The following MLKL variants were observed in gnomAD, a reference collection of about 807,000 sequenced individuals.
MLKL encodes the protein mixed lineage kinase domain like pseudokinase, also known as mixed lineage kinase domain-like protein.
MLKL carries 55 observed loss-of-function variants against 56.5 expected under a neutral mutation model. That is an observed-to-expected ratio of 0.97 (90% confidence interval 0.78 to 1.22). MLKL has a LOEUF of 1.22. Among genes scored for constraint, MLKL ranks in the 50% most tolerant of loss-of-function variants. The pLI is 0.00. For missense variants in MLKL, 694 were observed against 573.9 expected (o/e 1.21, Z -2.14); for synonymous variants, 251 against 208.3 (o/e 1.20, Z -1.76).
At chr16:74,676,346 T>A in intron 7 of MLKL, 1 of 985,628 alleles carries the variant, frequency 1.0e-6, no homozygotes, top group Non-Finnish European at 1.2e-6. Flanking sequence ...CAGCATATGT[T>A]CTTGTCCCAT....
chr16:74,689,160 G>C (rs1160101018), intron 4 of MLKL, among the ~76,000 whole-genome samples: 1 of 150,774 alleles, frequency 6.6e-6, no homozygotes, highest in African/African-American at 2.4e-5. Context: ...TGTTACCCAG[G>C]CTGGAGTGCA....
chr16:74,695,164 G>A (rs1475047370), intron 2 of MLKL, 134 bp downstream of exon 2: 2 of 946,096 alleles, frequency 2.1e-6, no homozygotes, highest in South Asian at 1.7e-5. Context: ...GAGCCATCGC[G>A]CCCAGCTAGG....
chr16:74,694,000 G>A (rs1054774515), intron 2 of MLKL, among the ~76,000 whole-genome samples: 6 of 152,150 alleles, frequency 3.9e-5, no homozygotes, highest in African/African-American at 1.4e-4. Flanking sequence ...TGTGCTGCTA[G>A]TATGATCATA....
At chr16:74,680,531 G>C (rs1024531121) in intron 6 of MLKL, among the ~76,000 whole-genome samples, 7 of 149,616 alleles carry the variant, frequency 4.7e-5, no homozygotes, top group African/African-American at 9.9e-5. Flanking sequence ...TTATGAGACG[G>C]AGTCTCGCTC....
rs1960963724 is a variant in MLKL, at chr16:74,695,362, G to A, written c.396C>T (p.Ser132=). The A allele has an allele frequency of 1.2e-6, 2 of 1,614,072 alleles. No homozygotes were observed. Among genetic ancestry groups the A allele is most frequent in the African/African-American group, 1.3e-5 (1 of 74,928 alleles). ...CATCCTGCTGATCTTCCTGTGCCCA[G>A]GACGCTCCTTGGCTTATGGGTGAAA... ...MPVSPISQGA[S]WAQEDQQDAD... is the part of the protein sequence containing the mutation. The change falls in exon 2 of 11, where the codon TCC becomes TCT. Residue 132 remains serine, a synonymous_variant. Transcript: ENST00000308807.
intron 4 of MLKL, among the ~76,000 whole-genome samples, chr16:74,687,254 G>C (rs1287008720): frequency 6.6e-6 from 1 of 152,106 alleles, no homozygotes. Context: ...GGGATTATAG[G>C]CATAACTCAC....
At chr16:74,678,730 G>T (rs774221380) in intron 7 of MLKL, among the ~76,000 whole-genome samples, 169 bp downstream of exon 7, 4 of 152,112 alleles carry the variant, frequency 2.6e-5, no homozygotes, top group Non-Finnish European at 4.4e-5. Context: ...TTGCAGCGGG[G>T]CGATCTCGCT....
intron 1 of MLKL, among the ~76,000 whole-genome samples, chr16:74,698,251 A>G (rs962045092): frequency 3.3e-5 from 5 of 152,184 alleles, no homozygotes; most frequent in African/African-American, 1.2e-4. Flanking sequence ...ACAACAAAAA[A>G]CAAAGTTAGT....
intron 2 of MLKL, among the ~76,000 whole-genome samples, chr16:74,693,477 A>AAAAGAAAAAAGAAAG (rs1960812097): frequency 8.0e-6 from 1 of 124,606 alleles, no homozygotes; most frequent in Admixed American, 8.2e-5. Context: ...AAGAAAAGAA[A>AAAAGAAAAAAGAAAG]AAAGAAAGAA....
intron 2 of MLKL, 56 bp from the exon 3 acceptor site, chr16:74,692,472 T>A: frequency 2.1e-6 from 3 of 1,411,234 alleles, no homozygotes; most frequent in Non-Finnish European, 3.0e-6. Context: ...CACACGCCAA[T>A]CAAAACTAAA....
In MLKL at chr16:74,682,706, G is replaced by C; in HGVS notation, c.901C>G (p.Leu301Val). The stretch of plus-strand genomic sequence containing the variant: ...AGGACCATGCGCTTGCCAAGTGTGA[G>C]GTCTTTTTCCCTATCCAACAGCTCC... ...LRELLDREKDLTLGKRMVLVL... is the reference protein window; with the variant it reads ...LRELLDREKDVTLGKRMVLVL... The change falls in exon 6 of 11, where the codon CTC becomes GTC. Residue 301 changes from leucine (L) to valine (V), a missense_variant. Coordinates refer to ENST00000308807, the MANE Select transcript of MLKL (RefSeq NM_152649.4). 6.2e-7 allele frequency: 1 copy of C among 1,614,100 alleles called. No homozygotes were observed.
In MLKL at chr16:74,691,584, G is replaced by T. The variant is rs1228516386; in HGVS notation, c.536-121C>A. The T allele has an allele frequency of 1.9e-5, 21 of 1,130,212 alleles. No homozygotes were observed. In the East Asian group the frequency reaches 1.9e-4, roughly 10 times the overall value. 70.0% of individuals were successfully genotyped at this position (1,130,212 alleles called of 1,614,324 possible). ...AGCTCTACTACATGAACCAGAGCTG[G>T]TGGTGGCTGGGGCTTCTGATGGACT... On this transcript the variant is annotated intron_variant, in intron 3 of 10. Transcript: ENST00000308807.
intron 7 of MLKL, 149 bp downstream of exon 7, chr16:74,678,750 C>G: frequency 1.6e-6 from 1 of 628,822 alleles, no homozygotes. Context: ...TCACTGCCCT[C>G]CAGCTTGGGT....
At position 74,672,466 on chromosome 16, in the gene MLKL, T is replaced by C. The variant is rs780908282; in HGVS notation, c.*38A>G. ...ATGTCCAGTTTGTGCCTCTCCCAGC[T>C]TCTTGTCCAGAGACTCCTTGGTTTA... On this transcript the variant is annotated 3_prime_UTR_variant, in exon 11 of 11. Coordinates refer to ENST00000308807, the MANE Select transcript of MLKL (RefSeq NM_152649.4). The C allele has an allele frequency of 5.0e-5, 80 of 1,599,368 alleles. No individual in the cohort carries two copies. The highest frequency in any genetic ancestry group is 6.3e-5 in the Non-Finnish European group (74 of 1,167,258).
Position 74,695,479 on chromosome 16 carries a change from C to T in MLKL, c.279G>A (p.Gln93=), listed in dbSNP as rs1960972369. 1.2e-6 allele frequency: 2 copies of T among 1,614,180 alleles called. No individual in the cohort carries two copies. Among genetic ancestry groups the T allele is most frequent in the Non-Finnish European group, 1.7e-6 (2 of 1,180,038 alleles). The change falls in exon 2 of 11, where the codon CAG becomes CAA. Residue 93 remains glutamine (Q), a synonymous_variant. Coordinates refer to ENST00000308807, the MANE Select transcript of MLKL (RefSeq NM_152649.4). ...SNICRFLTAS[Q]DKILFKDVNR... ...TCACGTCCTTGAAGAGTATTTTGTCCTGGCTTGCTGTTAGAAACCTGCAGA... is the reference window on the plus strand; with the variant it reads ...TCACGTCCTTGAAGAGTATTTTGTCTTGGCTTGCTGTTAGAAACCTGCAGA...
intron 5 of MLKL, among the ~76,000 whole-genome samples, chr16:74,684,892 TCTTGCTCTGTTGCCCAGGCTGGAATG>T (rs1960232859): frequency 6.6e-6 from 1 of 151,744 alleles, no homozygotes; most frequent in Non-Finnish European, 1.5e-5. Flanking sequence ...TGAGACGGAG[TCTTGCTCTGTTGCCCAGGCTGGAATG>T]CAATGGTGCA....
At chr16:74,693,991 G>A (rs1776255421) in intron 2 of MLKL, among the ~76,000 whole-genome samples, 2 of 152,120 alleles carry the variant, frequency 1.3e-5, no homozygotes, top group South Asian at 4.1e-4. Flanking sequence ...TTGAATTTGT[G>A]TGCTGCTAGT....
chr16:74,693,469 G>GAA (rs368453648), intron 2 of MLKL, among the ~76,000 whole-genome samples: 14,063 of 106,566 alleles, frequency 0.13, 1,535 homozygotes, highest in African/African-American at 0.24. Context: ...AAAAAAAAAA[G>GAA]AAAAGAAAAA....
At chr16:74,675,425 T>C in intron 8 of MLKL, 21 bp from the exon 9 acceptor site, 1 of 1,612,086 alleles carries the variant, frequency 6.2e-7, no homozygotes, top group Non-Finnish European at 8.5e-7. Context: ...ACCAAGAAAC[T>C]GAACAACCAT....
Sources: allele counts gnomAD v4.1 joint callset (sites outside exome capture counted in the v4.1 genomes callset), GRCh38; gene constraint gnomAD v4.1.1; transcripts MANE v1.5; gene names NCBI Gene and HGNC (gene_info 2026-07-23, HGNC 2026-07-21).